The following PTPRN2 variants were observed in gnomAD, a reference collection of about 807,000 sequenced individuals.
PTPRN2 encodes the protein receptor-type tyrosine-protein phosphatase N2.
Under a neutral mutation model 118.8 loss-of-function variants are expected in PTPRN2, and 74 were observed. That is an observed-to-expected ratio of 0.62 (90% CI 0.52 to 0.76). PTPRN2 has a LOEUF of 0.76. PTPRN2 is among the 30% of genes least tolerant of loss of function. The pLI is 0.00. For missense variants in PTPRN2, 1,481 were observed against 1,394.4 expected, an observed-to-expected ratio of 1.06 and a Z score of -0.99; for synonymous variants, 641 against 608.0, an observed-to-expected ratio of 1.05 and a Z score of -0.80.
rs1378243229 is a variant in PTPRN2, at chr7:157,615,256, G to A, written c.2344+6106C>T. 5.7e-6 allele frequency: 2 copies of A among 349,346 alleles called. No individual in the cohort carries two copies. Among genetic ancestry groups the A allele is most frequent in the Admixed American group, 3.8e-5 (1 of 26,250 alleles). The allele number at this position is 349,346 out of a possible 1,614,324, so 21.6% of individuals were successfully genotyped here. A position where few individuals can be genotyped will look rare whatever the true frequency, so the allele number is the denominator to read the frequency against. ...AAAGTGGGGGAGGAAGTCATGCTAA[G>A]CCAGCCACACTTCTGCTCCAGAGAG... On this transcript the variant is annotated intron_variant, in intron 15 of 22. Transcript: ENST00000389418. The surrounding 1 kb of genome is among the most constrained non-coding windows in gnomAD (Gnocchi z 4.3).
At chr7:158,547,304 C>A (rs766110023) in intron 1 of PTPRN2, among the ~76,000 whole-genome samples, 3 of 152,212 alleles carry the variant, frequency 2.0e-5, no homozygotes, top group Non-Finnish European at 4.4e-5. Flanking sequence ...AATTGAACTT[C>A]ATTCCCTGTA....
chr7:158,071,818 T>TG (rs1491457289), intron 11 of PTPRN2, among the ~76,000 whole-genome samples: 5 of 71,840 alleles, frequency 7.0e-5, no homozygotes, highest in African/African-American at 2.6e-4. Context: ...GTGCTCGTCG[T>TG]ATGGAGGTGC....
intron 2 of PTPRN2, among the ~76,000 whole-genome samples, chr7:158,474,816 G>A (rs1212031879): frequency 6.6e-6 from 1 of 152,268 alleles, no homozygotes; most frequent in Non-Finnish European, 1.5e-5. Flanking sequence ...CTTTGGGGAA[G>A]CACTCGCTGT....
At chr7:157,689,078 G>GC (rs1330860036) in intron 12 of PTPRN2, among the ~76,000 whole-genome samples, 1 of 152,208 alleles carries the variant, frequency 6.6e-6, no homozygotes, top group Non-Finnish European at 1.5e-5. Context: ...GGCGCTCGCA[G>GC]CCCCCGGGCG....
At position 157,611,696 on chromosome 7, in the gene PTPRN2, C is replaced by T. The variant is rs756452489; in HGVS notation, c.2345-7621G>A. Among the ~76,000 whole-genome samples the T allele has an allele frequency of 3.4e-4, 52 of 152,000 alleles. No individual in the cohort carries two copies. The highest frequency in any genetic ancestry group is 1.0e-3 in the South Asian group (5 of 4,820). On this transcript the variant is annotated intron_variant, in intron 15 of 22. Coordinates refer to ENST00000389418, the MANE Select transcript of PTPRN2 (RefSeq NM_002847.5). This position sits in a 1 kb window ranked among gnomAD's most constrained non-coding sequence, Gnocchi z 5.9. The stretch of plus-strand genomic sequence containing the variant: ...ACACCCACACGGGAGGGAGAGCGCC[C>T]GTGTGAAGACGAAGACAGCCGCGGT...
At chr7:158,303,604 G>C (rs1252080901) in intron 3 of PTPRN2, among the ~76,000 whole-genome samples, 1 of 152,216 alleles carries the variant, frequency 6.6e-6, no homozygotes, top group Non-Finnish European at 1.5e-5. Context: ...GGAATAAGAA[G>C]AAAGCCATTC....
At chr7:157,593,713 G>A (rs1213712327) in intron 17 of PTPRN2, among the ~76,000 whole-genome samples, 1 of 152,182 alleles carries the variant, frequency 6.6e-6, no homozygotes, top group Admixed American at 6.5e-5. Context: ...GAAGGCAGGT[G>A]TGTGCCATGC....
chr7:158,083,898 G>A (rs974144711), intron 10 of PTPRN2, among the ~76,000 whole-genome samples: 8 of 64,142 alleles, frequency 1.2e-4, no homozygotes, highest in Admixed American at 4.8e-4. Context: ...GGTCGGTAAC[G>A]TGACCCCAAC....
intron 11 of PTPRN2, among the ~76,000 whole-genome samples, chr7:157,947,978 C>A (rs1044193980): frequency 6.6e-6 from 1 of 152,134 alleles, no homozygotes; most frequent in African/African-American, 2.4e-5. Context: ...GAAAATGAAG[C>A]CAAAATTAAG....
intron 15 of PTPRN2, chr7:157,613,955 G>A (rs1214280396): frequency 4.3e-6 from 2 of 463,678 alleles, no homozygotes; most frequent in South Asian, 1.6e-5. Context: ...CGACCCTCCC[G>A]TCACAACTGT....
chr7:158,550,333 T>C (rs1181974128), intron 1 of PTPRN2, among the ~76,000 whole-genome samples: 1 of 152,088 alleles, frequency 6.6e-6, no homozygotes, highest in Admixed American at 6.6e-5. Flanking sequence ...AAGAACAAAC[T>C]TGGGAATCCA....
At chr7:157,921,964 G>A (rs1219775879) in intron 11 of PTPRN2, among the ~76,000 whole-genome samples, 1 of 152,174 alleles carries the variant, frequency 6.6e-6, no homozygotes, top group African/African-American at 2.4e-5. Flanking sequence ...GGAAGGCAGG[G>A]CACGTGGGAA....
chr7:158,326,931 G>GCTCACACGTTCTCACATA (rs1803621778), intron 2 of PTPRN2, among the ~76,000 whole-genome samples: 1 of 146,388 alleles, frequency 6.8e-6, no homozygotes, highest in Admixed American at 6.8e-5. Context: ...GTTCTCACAT[G>GCTCACACGTTCTCACATA]CACACATACA....
chr7:158,364,704 G>A lies in PTPRN2; in HGVS notation c.164-47772C>T, dbSNP rs118038733. 2.7e-3 allele frequency among the ~76,000 whole-genome samples: 418 copies of A among 152,232 alleles called. 1 individual carries two copies. Among genetic ancestry groups the A allele is most frequent in the Non-Finnish European group, 5.0e-3 (337 of 68,022 alleles). On this transcript the variant is annotated intron_variant, in intron 2 of 22. Coordinates refer to ENST00000389418, the MANE Select transcript of PTPRN2 (RefSeq NM_002847.5). ...GTTTTGATCACACAGCTGGGAAGTCGTCATCCAAGCCTCGGATGTGTTTGT... is the reference window on the plus strand; with the variant it reads ...GTTTTGATCACACAGCTGGGAAGTCATCATCCAAGCCTCGGATGTGTTTGT...
intron 2 of PTPRN2, among the ~76,000 whole-genome samples, chr7:158,425,602 G>A (rs1815672662): frequency 7.7e-6 from 1 of 129,112 alleles, no homozygotes; most frequent in African/African-American, 3.3e-5. Flanking sequence ...GCGCACCGCC[G>A]GGAAAGACCC....
chr7:158,134,295 CG>C (rs1265032431), intron 8 of PTPRN2, among the ~76,000 whole-genome samples: 2 of 152,096 alleles, frequency 1.3e-5, no homozygotes, highest in African/African-American at 2.4e-5. Context: ...TCCTCCCTCC[CG>C]CTCCCTCTCA....
In PTPRN2 at chr7:157,974,487, G is replaced by A. The variant is rs11763881; in HGVS notation, c.1724-75750C>T. On this transcript the variant is annotated intron_variant, in intron 11 of 22. Coordinates refer to ENST00000389418, the MANE Select transcript of PTPRN2 (RefSeq NM_002847.5). This position sits in a 1 kb window ranked among gnomAD's most constrained non-coding sequence, Gnocchi z 4.0. ...GAGACAGAGTGAAGCCTCAAGAACAGTGTTCACTGGCAGTGGGAACCGTCG... is the reference window on the plus strand; with the variant it reads ...GAGACAGAGTGAAGCCTCAAGAACAATGTTCACTGGCAGTGGGAACCGTCG... Among the ~76,000 whole-genome samples, 9,010 of 152,270 alleles carry A rather than the reference G, an allele frequency of 0.059. 308 individuals are homozygous for A. The highest frequency in any genetic ancestry group is 0.13 in the South Asian group (635 of 4,822).
intron 11 of PTPRN2, among the ~76,000 whole-genome samples, chr7:157,902,852 T>C (rs888681589): frequency 6.6e-6 from 1 of 152,172 alleles, no homozygotes; most frequent in Non-Finnish European, 1.5e-5. Flanking sequence ...GAGAAATGGC[T>C]TCCAAGTCAG....
intron 17 of PTPRN2, among the ~76,000 whole-genome samples, chr7:157,580,599 C>T (rs1390543253): frequency 6.8e-6 from 1 of 147,082 alleles, no homozygotes; most frequent in Non-Finnish European, 1.5e-5. Context: ...CCAGCACCTG[C>T]ACACCCCAGC....
Sources: gnomAD v4.1 joint callset for allele counts (sites outside exome capture counted in the v4.1 genomes callset) on GRCh38, gnomAD v4.1.1 for gene constraint, Gnocchi (gnomAD v3.1) non-coding constraint, MANE v1.5 for transcripts, NCBI Gene and HGNC (gene_info 2026-07-23, HGNC 2026-07-21) for gene names.